The following KSR2 variants were observed in gnomAD, a reference collection of about 807,000 sequenced individuals.
The protein encoded by KSR2 is kinase suppressor of ras 2.
A neutral mutation model predicts 107.8 loss-of-function variants in KSR2; 25 were observed. The ratio of observed to expected loss-of-function variants is 0.23; its 90% confidence interval spans 0.17 to 0.32. The LOEUF is 0.32. Ranked by LOEUF, KSR2 falls within the 10% of genes least tolerant of loss-of-function variation. The probability of loss-of-function intolerance (pLI) is 1.00; values close to 1 mark genes in which losing one functional copy is unlikely to be tolerated. For synonymous variants in KSR2, 480 were observed against 507.0 expected (o/e 0.95, Z 0.71); for missense variants, 887 against 1,268.9 (o/e 0.70, Z 4.57).
At chr12:117,714,068 AG>A (rs1320306084) in intron 4 of KSR2, among the ~76,000 whole-genome samples, 1 of 150,816 alleles carries the variant, frequency 6.6e-6, no homozygotes, top group Admixed American at 6.6e-5. Context: ...GGATGGAGTG[AG>A]GGGGGGAGCA....
chr12:117,804,684 C>T (rs555447680), intron 3 of KSR2, among the ~76,000 whole-genome samples: 20 of 152,218 alleles, frequency 1.3e-4, no homozygotes, highest in Middle Eastern at 3.4e-3. Flanking sequence ...AGATAATAAG[C>T]GTTGTGTTTC....
chr12:117,512,313 C>T (rs1189798227), intron 14 of KSR2, among the ~76,000 whole-genome samples: 1 of 152,212 alleles, frequency 6.6e-6, no homozygotes, highest in Non-Finnish European at 1.5e-5. Context: ...ATACCCTCTT[C>T]CTGGTTTTCC....
intron 3 of KSR2, among the ~76,000 whole-genome samples, chr12:117,790,220 T>C (rs915154671): frequency 3.9e-5 from 6 of 152,214 alleles, no homozygotes; most frequent in Non-Finnish European, 8.8e-5. Context: ...GAGGTCCTGA[T>C]GACATGTGCC....
At chr12:117,955,561 T>G (rs984211016) in intron 1 of KSR2, among the ~76,000 whole-genome samples, 1 of 152,192 alleles carries the variant, frequency 6.6e-6, no homozygotes, top group Non-Finnish European at 1.5e-5. Flanking sequence ...CTAGTCTATA[T>G]TGCTTAAAGC....
intron 5 of KSR2, among the ~76,000 whole-genome samples, chr12:117,595,317 T>C (rs892787893): frequency 2.7e-5 from 4 of 150,902 alleles, no homozygotes; most frequent in Non-Finnish European, 5.9e-5. Flanking sequence ...TTCACACCAG[T>C]GCCACAAAGC....
chr12:117,483,930 G>A (rs1872315852), intron 16 of KSR2, among the ~76,000 whole-genome samples: 1 of 152,194 alleles, frequency 6.6e-6, no homozygotes, highest in African/African-American at 2.4e-5. Flanking sequence ...GGAAACTAAA[G>A]TTCAGAGACG....
At chr12:117,568,029 A>G (rs1878639467) in intron 7 of KSR2, among the ~76,000 whole-genome samples, 1 of 152,182 alleles carries the variant, frequency 6.6e-6, no homozygotes, top group South Asian at 2.1e-4. Flanking sequence ...CCACAATACA[A>G]ATGAGCAAAG....
chr12:117,940,923 TA>T (rs1895986683), intron 1 of KSR2, among the ~76,000 whole-genome samples: 3 of 151,756 alleles, frequency 2.0e-5, no homozygotes. Context: ...CCATCTCTAC[TA>T]AAAATACAAA....
At chr12:117,844,974 G>A (rs547345423) in intron 3 of KSR2, among the ~76,000 whole-genome samples, 53 of 152,248 alleles carry the variant, frequency 3.5e-4, no homozygotes, top group Admixed American at 1.3e-3. Context: ...GTGAAACCCC[G>A]TCTCTACTAA....
chr12:117,955,262 A>C (rs1896479357), intron 1 of KSR2, among the ~76,000 whole-genome samples: 1 of 151,922 alleles, frequency 6.6e-6, no homozygotes, highest in Non-Finnish European at 1.5e-5. Context: ...ATCTGGGACC[A>C]CAGGCATGCA....
intron 4 of KSR2, among the ~76,000 whole-genome samples, chr12:117,679,193 C>A (rs1869672510): frequency 6.6e-6 from 1 of 152,098 alleles, no homozygotes; most frequent in African/African-American, 2.4e-5. Flanking sequence ...CTTGAAGCTC[C>A]CAGAACCATC....
intron 4 of KSR2, among the ~76,000 whole-genome samples, chr12:117,693,824 TCATTTATCA>T (rs1885933962): frequency 6.6e-6 from 1 of 152,180 alleles, no homozygotes; most frequent in East Asian, 1.9e-4. Flanking sequence ...CAGGGGAGAC[TCATTTATCA>T]AGTTGTCTGC....
At chr12:117,726,296 C>G (rs1887423575) in intron 4 of KSR2, among the ~76,000 whole-genome samples, 1 of 151,574 alleles carries the variant, frequency 6.6e-6, no homozygotes, top group Admixed American at 6.6e-5. Context: ...CCAGTAAGTC[C>G]CAAAAAAAGA....
At chr12:117,771,240 T>C (rs1451707213) in intron 3 of KSR2, among the ~76,000 whole-genome samples, 1 of 152,182 alleles carries the variant, frequency 6.6e-6, no homozygotes, top group Non-Finnish European at 1.5e-5. Context: ...CTGAGATAAA[T>C]GCATATCTAA....
At chr12:117,673,643 A>G (rs751709762) in intron 4 of KSR2, among the ~76,000 whole-genome samples, 3 of 152,132 alleles carry the variant, frequency 2.0e-5, no homozygotes, top group Non-Finnish European at 4.4e-5. Context: ...AAGATGTGGG[A>G]TTCACCTTTC....
chr12:117,506,947 C>G (rs1418712210), intron 14 of KSR2, among the ~76,000 whole-genome samples: 1 of 152,044 alleles, frequency 6.6e-6, no homozygotes, highest in Non-Finnish European at 1.5e-5. Context: ...GAGGGTGGAG[C>G]CCAGGCATTA....
At chr12:117,560,955 G>A (rs1186170737) in intron 7 of KSR2, among the ~76,000 whole-genome samples, 3 of 152,120 alleles carry the variant, frequency 2.0e-5, no homozygotes, top group East Asian at 3.8e-4. Context: ...CTGCAGAACC[G>A]TGAGCCAAAT....
At chr12:117,868,854 G>C (rs912747617) in intron 1 of KSR2, among the ~76,000 whole-genome samples, 1 of 151,764 alleles carries the variant, frequency 6.6e-6, no homozygotes, top group Non-Finnish European at 1.5e-5. Flanking sequence ...AGGTTCAAGC[G>C]AGTCTCCTGC....
At chr12:117,650,391 A>C (rs1361869312) in intron 5 of KSR2, among the ~76,000 whole-genome samples, 1 of 152,134 alleles carries the variant, frequency 6.6e-6, no homozygotes, top group African/African-American at 2.4e-5. Context: ...ATATTTAATA[A>C]ACTCATATAT....
Sources: allele counts gnomAD v4.1 joint callset (sites outside exome capture counted in the v4.1 genomes callset), GRCh38; gene constraint gnomAD v4.1.1; transcripts MANE v1.5; gene names NCBI Gene and HGNC (gene_info 2026-07-23, HGNC 2026-07-21).